AGBL1: variants seen among roughly 807,000 people sequenced by gnomAD.
The protein encoded by AGBL1 is AGBL carboxypeptidase 1.
A neutral mutation model predicts 118.9 loss-of-function variants in AGBL1; 130 were observed. The observed-to-expected ratio is 1.09, with a 90% CI of 0.95 to 1.26. The LOEUF (loss-of-function observed/expected upper bound fraction) is 1.26, where lower values mean the gene tolerates loss of function less well. Among genes scored for constraint, AGBL1 ranks in the 50% most tolerant of loss-of-function variants. The pLI is 0.00. For missense variants in AGBL1, 1,584 were observed against 1,298.1 expected (o/e 1.22, Z -3.38); for synonymous variants, 555 against 478.9 (o/e 1.16, Z -2.08).
chr15:86,475,812 G>C (rs1185790674), intron 18 of AGBL1, among the ~76,000 whole-genome samples: 3 of 152,134 alleles, frequency 2.0e-5, no homozygotes, highest in Non-Finnish European at 4.4e-5. Flanking sequence ...AAATGTTAAG[G>C]GCAGCCAGAA....
chr15:86,520,979 T>C (rs943018413), intron 18 of AGBL1, among the ~76,000 whole-genome samples: 5 of 152,174 alleles, frequency 3.3e-5, no homozygotes, highest in African/African-American at 1.2e-4. Context: ...ATAAACTCTA[T>C]TTCTAGATGT....
At chr15:86,185,935 AG>A (rs1446800713) in intron 5 of AGBL1, among the ~76,000 whole-genome samples, 1 of 152,178 alleles carries the variant, frequency 6.6e-6, no homozygotes, top group Non-Finnish European at 1.5e-5. Flanking sequence ...TTTCTTAAAA[AG>A]GGGATTCTAA....
chr15:86,832,002 C>A (rs923176246), intron 22 of AGBL1, among the ~76,000 whole-genome samples: 6 of 152,246 alleles, frequency 3.9e-5, no homozygotes, highest in Non-Finnish European at 8.8e-5. Context: ...GCAGGCCCAA[C>A]ACCACATGTA....
chr15:86,872,973 A>G (rs1348994383), intron 22 of AGBL1, among the ~76,000 whole-genome samples: 2 of 152,196 alleles, frequency 1.3e-5, no homozygotes, highest in Non-Finnish European at 2.9e-5. Flanking sequence ...CTTCAGTCAC[A>G]GTGTCTACCA....
chr15:86,308,664 C>T (rs1382690402), intron 17 of AGBL1, among the ~76,000 whole-genome samples: 1 of 152,132 alleles, frequency 6.6e-6, no homozygotes, highest in East Asian at 1.9e-4. Flanking sequence ...TTCTCAACAA[C>T]ATATATAAGA....
At chr15:86,684,754 C>T (rs1183778122) in intron 22 of AGBL1, among the ~76,000 whole-genome samples, 1 of 152,062 alleles carries the variant, frequency 6.6e-6, no homozygotes, top group East Asian at 1.9e-4. Flanking sequence ...GATTTTTTGG[C>T]TTTAACATTA....
intron 19 of AGBL1, among the ~76,000 whole-genome samples, chr15:86,534,319 A>T (rs2083392874): frequency 6.6e-6 from 1 of 152,170 alleles, no homozygotes; most frequent in Non-Finnish European, 1.5e-5. Flanking sequence ...AGAGATTAGA[A>T]GTACCATTTG....
intron 1 of AGBL1, among the ~76,000 whole-genome samples, chr15:86,131,533 TG>T (rs553921025): frequency 4.9e-4 from 74 of 152,354 alleles, no homozygotes; most frequent in African/African-American, 1.7e-3. Context: ...CAACTTCTCT[TG>T]GCCTCAATTT....
At chr15:87,007,866 C>A (rs2081520529) in intron 24 of AGBL1, among the ~76,000 whole-genome samples, 1 of 152,164 alleles carries the variant, frequency 6.6e-6, no homozygotes, top group Non-Finnish European at 1.5e-5. Context: ...ATGTATATGG[C>A]AATTCCTTGT....
downstream of AGBL1, among the ~76,000 whole-genome samples, chr15:86,916,413 T>TTGTGTGTGTGTGTTTGTGTG (rs1306207895): frequency 4.0e-5 from 6 of 151,852 alleles, no homozygotes; most frequent in Admixed American, 2.0e-4. Context: ...GTCCTGGACT[T>TTGTGTGTGTGTGTTTGTGTG]TGTGTGTGTG....
At chr15:86,986,935 G>A (rs1335764275) in intron 23 of AGBL1, among the ~76,000 whole-genome samples, 3 of 152,024 alleles carry the variant, frequency 2.0e-5, no homozygotes, top group Admixed American at 2.0e-4. Context: ...TCGTTTTATA[G>A]GATTTAGGTA....
chr15:86,404,018 C>G (rs1290388369), intron 18 of AGBL1, among the ~76,000 whole-genome samples: 2 of 152,184 alleles, frequency 1.3e-5, no homozygotes, highest in African/African-American at 2.4e-5. Context: ...GGTTATATGA[C>G]TAGCTTGTGG....
downstream of AGBL1, among the ~76,000 whole-genome samples, chr15:87,029,479 G>A (rs895742909): frequency 2.9e-5 from 4 of 138,366 alleles, no homozygotes; most frequent in African/African-American, 1.2e-4. Flanking sequence ...CAAAGGACCA[G>A]CACTCTATTT....
chr15:87,016,942 A>G (rs933856037), intron 24 of AGBL1, among the ~76,000 whole-genome samples: 1 of 152,166 alleles, frequency 6.6e-6, no homozygotes, highest in East Asian at 1.9e-4. Flanking sequence ...GAGACCCAGG[A>G]GTTTTGCATA....
intron 21 of AGBL1, among the ~76,000 whole-genome samples, chr15:86,641,521 G>T (rs994925595): frequency 6.6e-6 from 1 of 151,888 alleles, no homozygotes; most frequent in Non-Finnish European, 1.5e-5. Context: ...ACTTTTGTGA[G>T]AATCATTTTT....
intron 17 of AGBL1, among the ~76,000 whole-genome samples, chr15:86,316,433 A>G (rs545165795): frequency 1.3e-5 from 2 of 152,320 alleles, no homozygotes; most frequent in Non-Finnish European, 2.9e-5. Flanking sequence ...CATCAAACGC[A>G]GGAGTGAACG....
chr15:86,768,322 C>G (rs529649562), intron 22 of AGBL1, among the ~76,000 whole-genome samples: 1 of 151,934 alleles, frequency 6.6e-6, no homozygotes, highest in Non-Finnish European at 1.5e-5. Flanking sequence ...CGTAATGTAA[C>G]GTAACATAGC....
chr15:86,236,820 G>C (rs1274233447), intron 6 of AGBL1, among the ~76,000 whole-genome samples: 2 of 150,500 alleles, frequency 1.3e-5, no homozygotes, highest in African/African-American at 4.9e-5. Context: ...GGATTGGTTT[G>C]ACCAGGCGTG....
chr15:86,987,869 C>G, intron 23 of AGBL1: 1 of 1,143,400 alleles, frequency 8.7e-7, no homozygotes, highest in Non-Finnish European at 1.2e-6. Flanking sequence ...CTATATATAT[C>G]CTATTAAAGT....
Sources: allele counts gnomAD v4.1 joint callset (sites outside exome capture counted in the v4.1 genomes callset), GRCh38; gene constraint gnomAD v4.1.1; transcripts MANE v1.5; gene names NCBI Gene and HGNC (gene_info 2026-07-23, HGNC 2026-07-21).